PTPRD: variants seen among roughly 807,000 people sequenced by gnomAD.
The protein encoded by PTPRD is protein tyrosine phosphatase receptor type D.
In PTPRD, 34 loss-of-function variants were observed where a neutral mutation model predicts 214.5. The observed-to-expected ratio is 0.16, with a 90% confidence interval of 0.12 to 0.21. PTPRD has a LOEUF of 0.21. PTPRD is among the 10% of genes least tolerant of loss of function. PTPRD has a pLI of 1.00. For missense variants in PTPRD, 2,545 were observed against 2,398.7 expected (o/e 1.06, Z -1.27); for synonymous variants, 1,128 against 845.7 (o/e 1.33, Z -5.79).
intron 11 of PTPRD, among the ~76,000 whole-genome samples, chr9:8,929,344 T>C (rs2098928109): frequency 6.6e-6 from 1 of 151,940 alleles, no homozygotes; most frequent in African/African-American, 2.4e-5. Flanking sequence ...ATACCTCTTA[T>C]TATTTTGAGG....
At chr9:9,718,902 C>T (rs180851364) in intron 7 of PTPRD, among the ~76,000 whole-genome samples, 1 of 152,284 alleles carries the variant, frequency 6.6e-6, no homozygotes, top group East Asian at 1.9e-4. Flanking sequence ...ATGGAGGGCA[C>T]ATTAATGGCA....
intron 5 of PTPRD, among the ~76,000 whole-genome samples, chr9:9,905,178 G>A (rs7862769): frequency 0.95 from 144,591 of 152,028 alleles, 68,780 homozygotes; most frequent in East Asian, 1. Context: ...GTTCTTTCTA[G>A]ACCATTACAC....
chr9:8,612,374 A>G (rs2154291685), intron 14 of PTPRD, among the ~76,000 whole-genome samples: 1 of 152,338 alleles, frequency 6.6e-6, no homozygotes, highest in African/African-American at 2.4e-5. Context: ...AAATGTATGA[A>G]TTTGAGTCTA....
intron 7 of PTPRD, among the ~76,000 whole-genome samples, chr9:9,717,168 C>G (rs371209034): frequency 6.6e-6 from 1 of 152,024 alleles, no homozygotes; most frequent in East Asian, 1.9e-4. Context: ...TGTAGATATG[C>G]GGCGTTATTT....
At position 10,396,978 on chromosome 9, in the gene PTPRD, A is replaced by T. The variant is rs73404282; in HGVS notation, c.-599-55961T>A. Reference sequence around the variant, plus strand: ...AATCTTTCTGACAATTGCAGGTCACATACCTAGCTACACGTCTGGGGAAAC... The same window carrying T: ...AATCTTTCTGACAATTGCAGGTCACTTACCTAGCTACACGTCTGGGGAAAC... On this transcript the variant is annotated intron_variant, in intron 2 of 45. Coordinates refer to ENST00000381196, the MANE Select transcript of PTPRD (RefSeq NM_002839.4). Among the ~76,000 whole-genome samples, 999 of 152,080 alleles carry T rather than the reference A, an allele frequency of 6.6e-3. 6 individuals carry two copies. Among genetic ancestry groups the T allele is most frequent in the African/African-American group, 0.022 (918 of 41,516 alleles).
chr9:9,335,427 A>T (rs1168040357), intron 9 of PTPRD, among the ~76,000 whole-genome samples: 1 of 152,052 alleles, frequency 6.6e-6, no homozygotes, highest in African/African-American at 2.4e-5. Context: ...CATAGAAATT[A>T]TTTCTCACTA....
At chr9:8,807,557 T>C (rs1038403321) in intron 11 of PTPRD, among the ~76,000 whole-genome samples, 5 of 151,914 alleles carry the variant, frequency 3.3e-5, no homozygotes, top group Admixed American at 1.3e-4. Context: ...GTTTTCTGTG[T>C]GGGTAATTTT....
At chr9:8,366,834 G>C (rs897383502) in intron 39 of PTPRD, among the ~76,000 whole-genome samples, 4 of 152,182 alleles carry the variant, frequency 2.6e-5, no homozygotes, top group Admixed American at 1.3e-4. Flanking sequence ...TAGCACAAAA[G>C]ACTAGCATTT....
At position 9,538,905 on chromosome 9, in the gene PTPRD, T is replaced by C. The variant is rs896850958; in HGVS notation, c.-237+35827A>G. Among the ~76,000 whole-genome samples, 7 of 152,014 alleles carry C rather than the reference T, an allele frequency of 4.6e-5. No individual in the cohort carries two copies. In the East Asian group the frequency reaches 7.8e-4, roughly 17 times the overall value. On this transcript the variant is annotated intron_variant, in intron 8 of 45. Coordinates refer to ENST00000381196, the MANE Select transcript of PTPRD (RefSeq NM_002839.4). Reference sequence around the variant, plus strand: ...TGGCATAAGAGATATCATATGGATATGTAATTCAATCATTTAGTAAATTAT... The same window carrying C: ...TGGCATAAGAGATATCATATGGATACGTAATTCAATCATTTAGTAAATTAT...
chr9:9,196,151 A>T (rs2099938480), intron 9 of PTPRD, among the ~76,000 whole-genome samples: 1 of 152,154 alleles, frequency 6.6e-6, no homozygotes, highest in Non-Finnish European at 1.5e-5. Flanking sequence ...ATCTGCCCAT[A>T]AGAATAAATA....
intron 9 of PTPRD, among the ~76,000 whole-genome samples, chr9:9,232,369 C>A: frequency 6.6e-6 from 1 of 152,104 alleles, no homozygotes; most frequent in Non-Finnish European, 1.5e-5. Flanking sequence ...TTGCTATGCA[C>A]CATCATTATA....
chr9:9,478,028 T>G (rs1020872916), intron 8 of PTPRD, among the ~76,000 whole-genome samples: 1 of 152,224 alleles, frequency 6.6e-6, no homozygotes, highest in African/African-American at 2.4e-5. Context: ...TTTACATTTG[T>G]ACTACACATG....
At chr9:8,627,392 T>C (rs188422579) in intron 14 of PTPRD, among the ~76,000 whole-genome samples, 18 of 151,920 alleles carry the variant, frequency 1.2e-4, no homozygotes, top group African/African-American at 4.3e-4. Context: ...ACATCAAAAA[T>C]AAGTAGTGAG....
intron 14 of PTPRD, among the ~76,000 whole-genome samples, chr9:8,542,603 G>A (rs1593217033): frequency 6.6e-6 from 1 of 152,214 alleles, no homozygotes; most frequent in Non-Finnish European, 1.5e-5. Flanking sequence ...GAAACAGTAT[G>A]CCTCTATGAA....
chr9:9,309,921 T>C (rs532590320), intron 9 of PTPRD, among the ~76,000 whole-genome samples: 1 of 152,322 alleles, frequency 6.6e-6, no homozygotes, highest in African/African-American at 2.4e-5. Flanking sequence ...AGGTGGATCA[T>C]GGATTTCCTC....
At chr9:10,262,629 G>C (rs957969825) in intron 3 of PTPRD, among the ~76,000 whole-genome samples, 2 of 152,158 alleles carry the variant, frequency 1.3e-5, no homozygotes, top group Non-Finnish European at 2.9e-5. Flanking sequence ...GAAGATTCTG[G>C]ATCAAATACA....
At chr9:9,074,399 G>A (rs1468987715) in intron 10 of PTPRD, among the ~76,000 whole-genome samples, 1 of 152,044 alleles carries the variant, frequency 6.6e-6, no homozygotes, top group Non-Finnish European at 1.5e-5. Flanking sequence ...AAATTTTGGT[G>A]GAACACTCAC....
At chr9:9,565,800 T>C (rs543185834) in intron 8 of PTPRD, among the ~76,000 whole-genome samples, 1 of 152,054 alleles carries the variant, frequency 6.6e-6, no homozygotes, top group Non-Finnish European at 1.5e-5. Flanking sequence ...TTGGCCCCGT[T>C]TCCTAGGATT....
intron 8 of PTPRD, among the ~76,000 whole-genome samples, chr9:9,462,744 C>G (rs185938216): frequency 6.6e-6 from 1 of 152,200 alleles, no homozygotes; most frequent in East Asian, 1.9e-4. Context: ...GGAAAAATGA[C>G]AGTGCTCACA....
Sources: gnomAD v4.1 joint callset for allele counts (sites outside exome capture counted in the v4.1 genomes callset) on GRCh38, gnomAD v4.1.1 for gene constraint, MANE v1.5 for transcripts, NCBI Gene and HGNC (gene_info 2026-07-23, HGNC 2026-07-21) for gene names.